MACROD2: variants seen among roughly 807,000 people sequenced by gnomAD.
MACROD2 encodes ADP-ribose glycohydrolase MACROD2.
Under a neutral mutation model 70.4 loss-of-function variants are expected in MACROD2, and 36 were observed. The observed-to-expected ratio is 0.51, with a 90% CI of 0.39 to 0.68. The LOEUF is 0.68. MACROD2 is among the 30% of genes least tolerant of loss of function. MACROD2 has a pLI of 0.00. For missense variants in MACROD2, 496 were observed against 538.4 expected (o/e 0.92, Z 0.78); for synonymous variants, 172 against 178.8 (o/e 0.96, Z 0.30).
At chr20:14,895,946 A>G (rs1334204713) in intron 5 of MACROD2, among the ~76,000 whole-genome samples, 1 of 152,222 alleles carries the variant, frequency 6.6e-6, no homozygotes, top group Non-Finnish European at 1.5e-5. Context: ...TGGTTACCAT[A>G]TATGTTTCTC....
intron 3 of MACROD2, among the ~76,000 whole-genome samples, chr20:14,300,868 C>A (rs949408730): frequency 2.6e-5 from 4 of 151,874 alleles, no homozygotes; most frequent in Admixed American, 6.6e-5. Flanking sequence ...CCATCATTGT[C>A]ACATTAGACC....
chr20:15,030,361 G>T (rs2075265257), intron 5 of MACROD2, among the ~76,000 whole-genome samples: 1 of 152,186 alleles, frequency 6.6e-6, no homozygotes, highest in Non-Finnish European at 1.5e-5. Flanking sequence ...GTATTCGGAA[G>T]ATCACTTGAG....
chr20:16,043,381 T>C (rs11905539), intron 16 of MACROD2, among the ~76,000 whole-genome samples: 4,295 of 152,178 alleles, frequency 0.028, 224 homozygotes, highest in African/African-American at 0.098. Flanking sequence ...TTGCCTAGGC[T>C]AGCTTCTGCA....
At position 15,147,153 on chromosome 20, in the gene MACROD2, C is replaced by A. The variant is rs374134877; in HGVS notation, c.419-82787C>A. On this transcript the variant is annotated intron_variant, in intron 5 of 17. Transcript: ENST00000684519. ...GAGCCTTACCCTGGGGGCGGGAGCT[C>A]CACATGGCATATTCAAGATGAACCA... is the stretch of plus-strand genomic sequence containing the variant. 3.8e-3 allele frequency among the ~76,000 whole-genome samples: 571 copies of A among 152,206 alleles called. 6 individuals are homozygous for A. Among genetic ancestry groups the A allele is most frequent in the African/African-American group, 0.013 (531 of 41,534 alleles).
At chr20:15,955,493 G>C (rs2065963956) in intron 12 of MACROD2, among the ~76,000 whole-genome samples, 1 of 152,110 alleles carries the variant, frequency 6.6e-6, no homozygotes, top group Non-Finnish European at 1.5e-5. Flanking sequence ...ATTTGCAGAT[G>C]CTTCTCTATA....
intron 5 of MACROD2, among the ~76,000 whole-genome samples, chr20:14,877,406 C>T (rs1421213975): frequency 1.3e-5 from 2 of 151,960 alleles, no homozygotes; most frequent in Non-Finnish European, 2.9e-5. Context: ...TGAAGAGAGA[C>T]ATTTTGACTT....
intron 6 of MACROD2, among the ~76,000 whole-genome samples, chr20:15,308,772 C>A (rs1203357422): frequency 6.6e-6 from 1 of 152,122 alleles, no homozygotes; most frequent in Non-Finnish European, 1.5e-5. Flanking sequence ...TAACTTTCCA[C>A]AGCACACGTA....
chr20:15,242,009 G>T (rs1470136955), intron 6 of MACROD2, among the ~76,000 whole-genome samples: 1 of 152,044 alleles, frequency 6.6e-6, no homozygotes, highest in Non-Finnish European at 1.5e-5. Flanking sequence ...TGAAAGAACA[G>T]ACACTGACTT....
At chr20:14,666,684 A>C (rs574180924) in intron 4 of MACROD2, among the ~76,000 whole-genome samples, 4 of 151,854 alleles carry the variant, frequency 2.6e-5, no homozygotes, top group Admixed American at 6.6e-5. Flanking sequence ...TTCTTTTCTT[A>C]ATATTTCAGT....
At chr20:14,027,237 C>T (rs935324809) in intron 2 of MACROD2, among the ~76,000 whole-genome samples, 38 of 152,034 alleles carry the variant, frequency 2.5e-4, no homozygotes, top group African/African-American at 8.4e-4. Context: ...TCCTTTCTTC[C>T]GCTTGATCGA....
rs549219446 is a variant in MACROD2, at chr20:15,653,184, T to C, written c.645+153337T>C. On this transcript the variant is annotated intron_variant, in intron 8 of 17. Coordinates refer to ENST00000684519, the MANE Select transcript of MACROD2 (RefSeq NM_001351661.2). Reference sequence around the variant, plus strand: ...CTTCTAGAGGTAATTGCCATCTGCATAGTTAGACATGTCCAAAACAGATTA... The same window carrying C: ...CTTCTAGAGGTAATTGCCATCTGCACAGTTAGACATGTCCAAAACAGATTA... Among the ~76,000 whole-genome samples, 3 of 152,370 alleles carry C rather than the reference T, an allele frequency of 2.0e-5. No individual in the cohort carries two copies. The South Asian group carries it at 6.2e-4, about 32-fold the overall frequency.
In MACROD2 at chr20:16,042,931, T is replaced by C. The variant is rs144738258; in HGVS notation, c.1232-1640T>C. Reference sequence around the variant, plus strand: ...CTCTCTTTCAAGCCTCTTTGAAGTGTGAAAATCAGCATCTGCCACTACTTT... The same window carrying C: ...CTCTCTTTCAAGCCTCTTTGAAGTGCGAAAATCAGCATCTGCCACTACTTT... On this transcript the variant is annotated intron_variant, in intron 16 of 17. Coordinates refer to ENST00000684519, the MANE Select transcript of MACROD2 (RefSeq NM_001351661.2). 3.5e-3 allele frequency among the ~76,000 whole-genome samples: 533 copies of C among 152,182 alleles called. 3 individuals are homozygous for C. The highest frequency in any genetic ancestry group is 0.012 in the African/African-American group (516 of 41,556).
chr20:15,713,253 C>T (rs1374226369), intron 8 of MACROD2, among the ~76,000 whole-genome samples: 1 of 152,072 alleles, frequency 6.6e-6, no homozygotes, highest in Non-Finnish European at 1.5e-5. Context: ...TAAAAAAGAC[C>T]ATTGCTATAC....
At chr20:14,664,523 C>T (rs2070715838) in intron 4 of MACROD2, among the ~76,000 whole-genome samples, 1 of 151,984 alleles carries the variant, frequency 6.6e-6, no homozygotes, top group Admixed American at 6.6e-5. Context: ...GGACCATTAT[C>T]AACACGTTAG....
intron 4 of MACROD2, among the ~76,000 whole-genome samples, chr20:14,535,505 C>CAAAAAAAAAAAAAAAAAAAAAAAAAAA (rs11357982): frequency 1.6e-5 from 1 of 62,998 alleles, no homozygotes. Flanking sequence ...AACTCCGTCT[C>CAAAAAAAAAAAAAAAAAAAAAAAAAAA]AAAAAAAAAA....
At chr20:13,999,760 T>G (rs893759332) in intron 1 of MACROD2, among the ~76,000 whole-genome samples, 1 of 152,228 alleles carries the variant, frequency 6.6e-6, no homozygotes, top group African/African-American at 2.4e-5. Context: ...CTCAAACAGC[T>G]CTGTTAACCA....
chr20:15,357,153 C>T (rs1471919003), intron 6 of MACROD2, among the ~76,000 whole-genome samples: 8 of 152,056 alleles, frequency 5.3e-5, no homozygotes, highest in South Asian at 2.1e-4. Flanking sequence ...CTAGTTTTAT[C>T]GTTATCCAGC....
intron 8 of MACROD2, among the ~76,000 whole-genome samples, chr20:15,678,553 G>GTTTGTATT (rs2050110835): frequency 6.6e-6 from 1 of 152,086 alleles, no homozygotes; most frequent in Non-Finnish European, 1.5e-5. Flanking sequence ...TAGAGACGAG[G>GTTTGTATT]TTTCGTTATG....
chr20:15,519,036 A>C (rs1326272466), intron 8 of MACROD2, among the ~76,000 whole-genome samples: 2 of 151,910 alleles, frequency 1.3e-5, no homozygotes, highest in Admixed American at 1.3e-4. Flanking sequence ...ACTATGAAGT[A>C]GGAACTGTTA....
Sources: gnomAD v4.1 joint callset for allele counts (sites outside exome capture counted in the v4.1 genomes callset) on GRCh38, gnomAD v4.1.1 for gene constraint, MANE v1.5 for transcripts, NCBI Gene and HGNC (gene_info 2026-07-23, HGNC 2026-07-21) for gene names.